The following FAM131B variants were observed in gnomAD, a reference collection of about 807,000 sequenced individuals.
FAM131B encodes protein FAM131B.
Under a neutral mutation model 42.0 loss-of-function variants are expected in FAM131B, and 19 were observed. The observed-to-expected ratio is 0.45, with a 90% CI of 0.32 to 0.66. The LOEUF is 0.66. FAM131B is among the 30% of genes least tolerant of loss of function. The probability of loss-of-function intolerance (pLI) is 0.05; values close to 1 mark genes in which losing one functional copy is unlikely to be tolerated. For missense variants in FAM131B, 370 were observed against 468.4 expected, an observed-to-expected ratio of 0.79 and a Z score of 1.94; for synonymous variants, 183 against 177.6, an observed-to-expected ratio of 1.03 and a Z score of -0.24.
At chr7:143,376,852 CCTTT>C in the FAM131B span, among the ~76,000 whole-genome samples, 2 of 152,218 alleles carry the variant, frequency 1.3e-5, no homozygotes, top group Non-Finnish European at 2.9e-5. Flanking sequence ...TCATTTCTCT[CCTTT>C]CTTTTTTCAG....
chr7:143,356,236 G>A lies in FAM131B; in HGVS notation c.*314C>T, dbSNP rs879216535. ...TCTTGAGCACAGCTGCGCTGCCCCCGTCCTCAGGGTGCACACACTGGAGGC... is the reference window on the plus strand; with the variant it reads ...TCTTGAGCACAGCTGCGCTGCCCCCATCCTCAGGGTGCACACACTGGAGGC... On this transcript the variant is annotated 3_prime_UTR_variant, in exon 7 of 7. Transcript: ENST00000443739. The surrounding 1 kb of genome is among the most constrained non-coding windows in gnomAD (Gnocchi z 4.4). The A allele has an allele frequency of 2.2e-5, 8 of 370,234 alleles. No homozygotes were observed. Among genetic ancestry groups the A allele is most frequent in the East Asian group, 9.1e-5 (2 of 21,962 alleles). The allele number at this position is 370,234 out of a possible 1,614,324, so 22.9% of individuals were successfully genotyped here.
In FAM131B at chr7:143,362,062, CGGAGAG is replaced by C; in HGVS notation, c.28+508_28+513del. 1 of 984,926 alleles carries C rather than the reference CGGAGAG, an allele frequency of 1.0e-6. No individual in the cohort carries two copies. The highest frequency in any genetic ancestry group is 1.2e-6 in the Non-Finnish European group (1 of 829,538). The allele number at this position is 984,926 out of a possible 1,614,324, so 61.0% of individuals were successfully genotyped here. A position where few individuals can be genotyped will look rare whatever the true frequency, so the allele number is the denominator to read the frequency against. ...AGGCAGGAACGACAGTAAAAGGCAA[CGGAGAG>C]GGAGAGAGAGATGGGGCAAAGCACC... is the stretch of plus-strand genomic sequence containing the variant. On this transcript the variant is annotated intron_variant, in intron 1 of 6. Transcript: ENST00000443739. The surrounding 1 kb of genome is among the most constrained non-coding windows in gnomAD (Gnocchi z 7.7).
the FAM131B span, chr7:143,381,183 G>C: frequency 5.2e-5 from 52 of 991,790 alleles, no homozygotes; most frequent in Non-Finnish European, 6.2e-5. Flanking sequence ...CTTCCTGGGG[G>C]AGTTTCCTGC....
At chr7:143,381,613 C>T in the FAM131B span, 1 of 1,612,078 alleles carries the variant, frequency 6.2e-7, no homozygotes, top group Non-Finnish European at 8.5e-7. Context: ...CCGTTTCGGT[C>T]TCGGCTCCGG....
chr7:143,381,335 G>C, the FAM131B span: 5 of 1,138,396 alleles, frequency 4.4e-6, no homozygotes, highest in Non-Finnish European at 4.3e-6. Flanking sequence ...AGGCTGCTCC[G>C]GACCGGGACG....
chr7:143,369,645 AG>A, the FAM131B span, among the ~76,000 whole-genome samples: 1 of 145,386 alleles, frequency 6.9e-6, no homozygotes, highest in African/African-American at 2.6e-5. Context: ...ACTGCACTAC[AG>A]CCTGGGCGAC....
the FAM131B span, among the ~76,000 whole-genome samples, chr7:143,373,725 A>C: frequency 1.3e-5 from 2 of 152,302 alleles, no homozygotes; most frequent in East Asian, 3.9e-4. Flanking sequence ...CCAGGGACCA[A>C]GGTGTAGCAG....
upstream of FAM131B, among the ~76,000 whole-genome samples, chr7:143,364,499 T>C (rs1804134451): frequency 6.6e-6 from 1 of 152,148 alleles, no homozygotes; most frequent in Non-Finnish European, 1.5e-5. Context: ...TACGTATCTC[T>C]TACTGTGGTT....
At chr7:143,366,288 A>T (rs1289232824), upstream of FAM131B, among the ~76,000 whole-genome samples, 2 of 152,232 alleles carry the variant, frequency 1.3e-5, no homozygotes, top group African/African-American at 4.8e-5. Context: ...ATCTTTCTTC[A>T]GAGTGATTTG....
At chr7:143,375,620 A>T in the FAM131B span, among the ~76,000 whole-genome samples, 5 of 152,136 alleles carry the variant, frequency 3.3e-5, no homozygotes, top group Non-Finnish European at 7.4e-5. Context: ...TCTTTATATG[A>T]AGCCCACCTT....
chr7:143,361,990 G>GCC, intron 1 of FAM131B: 1 of 807,358 alleles, frequency 1.2e-6, no homozygotes, highest in Non-Finnish European at 1.5e-6. Flanking sequence ...GGCTCATCCC[G>GCC]CCCCCGCCCC....
At chr7:143,381,528 G>C in the FAM131B span, 1 of 1,584,754 alleles carries the variant, frequency 6.3e-7, no homozygotes, top group Non-Finnish European at 8.6e-7. Flanking sequence ...GCCCGGCTCC[G>C]CGCTGCGTAA....
rs1803566839 is a variant in FAM131B, at chr7:143,354,501, AC to A, written c.*2048del. ...CATTGGAGAAGGTGAGGAACCAGGGACCCCATGGAAGGAAGGTCACATGAAC... is the reference window on the plus strand; with the variant it reads ...CATTGGAGAAGGTGAGGAACCAGGGACCCATGGAAGGAAGGTCACATGAAC... On this transcript the variant is annotated 3_prime_UTR_variant, in exon 7 of 7. Coordinates refer to ENST00000443739, the MANE Select transcript of FAM131B (RefSeq NM_001031690.3). 6.6e-6 allele frequency: 1 copy of A among 152,186 alleles called. No homozygotes were observed. Among genetic ancestry groups the A allele is most frequent in the Non-Finnish European group, 1.5e-5 (1 of 68,082 alleles). The allele number at this position is 152,186 out of a possible 1,614,324, so 9.4% of individuals were successfully genotyped here. A position where few individuals can be genotyped will look rare whatever the true frequency, so the allele number is the denominator to read the frequency against.
chr7:143,381,451 G>A, the FAM131B span: 29 of 1,296,432 alleles, frequency 2.2e-5, no homozygotes, highest in Non-Finnish European at 2.6e-5. Flanking sequence ...CGGGGAGGGG[G>A]CGCGGGGCGC....
At chr7:143,373,376 A>G in the FAM131B span, among the ~76,000 whole-genome samples, 1 of 152,200 alleles carries the variant, frequency 6.6e-6, no homozygotes, top group African/African-American at 2.4e-5. Flanking sequence ...AGCAAGAGAA[A>G]GAAATGAGGG....
upstream of FAM131B, chr7:143,364,309 A>G (rs1804128261): frequency 6.6e-6 from 1 of 151,882 alleles, no homozygotes; most frequent in Non-Finnish European, 1.5e-5. Flanking sequence ...AAAAGAACAA[A>G]CAGCTTCCAT....
chr7:143,382,108 C>A, the FAM131B span: 1 of 649,238 alleles, frequency 1.5e-6, no homozygotes, highest in Non-Finnish European at 2.3e-6. Flanking sequence ...CCAGGGCGCC[C>A]TGCGCCCCTC....
rs1804016475 is a variant in FAM131B at position 143,361,926 on chromosome 7, C to G, written c.28+650G>C. On this transcript the variant is annotated intron_variant, in intron 1 of 6. Transcript: ENST00000443739. ...AGCCCCCATCTCCTCCCCGCGTCCC[C>G]CAGCCCCTTCCCTCCACCCGGCCCT... The G allele has an allele frequency of 6.0e-6, 3 of 499,684 alleles. No homozygotes were observed. In the African/African-American group the frequency reaches 6.3e-5, roughly 11 times the overall value. The allele number at this position is 499,684 out of a possible 1,614,324, so 31.0% of individuals were successfully genotyped here.
the FAM131B span, chr7:143,381,178 T>C: frequency 4.0e-6 from 4 of 989,908 alleles, no homozygotes; most frequent in Non-Finnish European, 4.8e-6. Flanking sequence ...GGCCCCTTCC[T>C]GGGGGAGTTT....
Sources: allele counts gnomAD v4.1 joint callset (sites outside exome capture counted in the v4.1 genomes callset), GRCh38; gene constraint gnomAD v4.1.1; non-coding constraint Gnocchi (gnomAD v3.1); transcripts MANE v1.5; gene names NCBI Gene and HGNC (gene_info 2026-07-23, HGNC 2026-07-21).